The following SLC24A2 variants were observed in gnomAD, a reference collection of about 807,000 sequenced individuals.
The protein encoded by SLC24A2 is solute carrier family 24 member 2.
SLC24A2 carries 36 observed loss-of-function variants against 62.0 expected under a neutral mutation model. The observed-to-expected ratio is 0.58, with a 90% confidence interval of 0.44 to 0.77. The LOEUF (loss-of-function observed/expected upper bound fraction) is 0.77. SLC24A2 is among the 30% of genes least tolerant of loss of function. The pLI, the probability that SLC24A2 is intolerant of heterozygous loss-of-function variation, is 0.00. For missense variants in SLC24A2, 846 were observed against 817.9 expected (o/e 1.03, Z -0.42); for synonymous variants, 358 against 294.0 (o/e 1.22, Z -2.23).
At chr9:19,539,311 G>A (rs1834135953) in intron 8 of SLC24A2, among the ~76,000 whole-genome samples, 1 of 125,858 alleles carries the variant, frequency 7.9e-6, no homozygotes, top group African/African-American at 3.1e-5. Context: ...TGTCAATTTT[G>A]GATCTTTCCT....
intron 7 of SLC24A2, among the ~76,000 whole-genome samples, chr9:19,570,639 T>C (rs1835810714): frequency 6.6e-6 from 1 of 152,228 alleles, no homozygotes; most frequent in Non-Finnish European, 1.5e-5. Flanking sequence ...ATACATAATA[T>C]CAATATTTAG....
the SLC24A2 span, among the ~76,000 whole-genome samples, chr9:20,011,485 C>G: frequency 2.1e-4 from 32 of 152,126 alleles, no homozygotes; most frequent in Non-Finnish European, 4.4e-4. Context: ...TATTCGAACA[C>G]AGGACACTTG....
At chr9:19,959,811 A>C in the SLC24A2 span, among the ~76,000 whole-genome samples, 2 of 152,216 alleles carry the variant, frequency 1.3e-5, no homozygotes, top group Admixed American at 1.3e-4. Flanking sequence ...TAAGAAGTTT[A>C]CACGATCTCA....
chr9:19,784,898 T>C (rs561408873), intron 2 of SLC24A2, among the ~76,000 whole-genome samples: 2 of 152,352 alleles, frequency 1.3e-5, no homozygotes, highest in East Asian at 1.9e-4. Context: ...AAAAGAATTA[T>C]GCAAATTTAA....
chr9:20,134,986 G>A, the SLC24A2 span, among the ~76,000 whole-genome samples: 1 of 152,136 alleles, frequency 6.6e-6, no homozygotes, highest in East Asian at 1.9e-4. Flanking sequence ...CATTATGTGA[G>A]TTTCAAAGAA....
the SLC24A2 span, among the ~76,000 whole-genome samples, chr9:20,021,602 A>C: frequency 6.6e-6 from 1 of 151,980 alleles, no homozygotes; most frequent in African/African-American, 2.4e-5. Flanking sequence ...TGGCAGTACC[A>C]AAGACGTTTT....
the SLC24A2 span, among the ~76,000 whole-genome samples, chr9:20,031,636 C>T: frequency 6.6e-6 from 1 of 152,102 alleles, no homozygotes; most frequent in Admixed American, 6.5e-5. Context: ...TGAGGGTTCA[C>T]TGAGATGAGC....
At chr9:19,767,590 T>C (rs1367200985) in intron 2 of SLC24A2, among the ~76,000 whole-genome samples, 1 of 152,082 alleles carries the variant, frequency 6.6e-6, no homozygotes, top group African/African-American at 2.4e-5. Context: ...CCAGGTAAGG[T>C]GATGCCCCAC....
At chr9:19,634,005 G>GAT (rs1818245586) in intron 2 of SLC24A2, among the ~76,000 whole-genome samples, 1 of 152,130 alleles carries the variant, frequency 6.6e-6, no homozygotes, top group Non-Finnish European at 1.5e-5. Flanking sequence ...GCAAGTCTAA[G>GAT]AATTCCTTGC....
chr9:20,240,422 C>G, the SLC24A2 span, among the ~76,000 whole-genome samples: 1 of 152,078 alleles, frequency 6.6e-6, no homozygotes, highest in East Asian at 1.9e-4. Flanking sequence ...CTCATGAAAG[C>G]TCAAGACTCT....
intron 5 of SLC24A2, among the ~76,000 whole-genome samples, chr9:19,592,493 CCCACCT>C (rs1563986472): frequency 1.4e-3 from 10 of 6,926 alleles, no homozygotes; most frequent in South Asian, 4.5e-3. Flanking sequence ...TACCTACCTA[CCCACCT>C]ACCTACCTAC....
At chr9:19,881,960 T>C in the SLC24A2 span, among the ~76,000 whole-genome samples, 6 of 152,214 alleles carry the variant, frequency 3.9e-5, no homozygotes, top group Non-Finnish European at 7.3e-5. Flanking sequence ...AATGTCATTT[T>C]TAATAACTTT....
chr9:20,209,976 A>C, the SLC24A2 span, among the ~76,000 whole-genome samples: 1 of 152,252 alleles, frequency 6.6e-6, no homozygotes, highest in Admixed American at 6.5e-5. Context: ...AGTGAAAGAA[A>C]GTAGTTAGAA....
the SLC24A2 span, among the ~76,000 whole-genome samples, chr9:20,103,826 G>C: frequency 6.6e-6 from 1 of 151,946 alleles, no homozygotes; most frequent in Non-Finnish European, 1.5e-5. Context: ...TTCCTCACCA[G>C]CAACGGAACA....
chr9:20,122,532 C>G, the SLC24A2 span, among the ~76,000 whole-genome samples: 1 of 151,964 alleles, frequency 6.6e-6, no homozygotes. Context: ...ACTAAAAATA[C>G]AAAAAATTAG....
At chr9:20,252,554 T>A in the SLC24A2 span, among the ~76,000 whole-genome samples, 1 of 152,172 alleles carries the variant, frequency 6.6e-6, no homozygotes, top group African/African-American at 2.4e-5. Context: ...TACACACACA[T>A]CATGATCTCA....
At chr9:19,601,243 T>A (rs931317014) in intron 4 of SLC24A2, among the ~76,000 whole-genome samples, 1 of 151,972 alleles carries the variant, frequency 6.6e-6, no homozygotes, top group Non-Finnish European at 1.5e-5. Flanking sequence ...CACCAATTAG[T>A]GCTCTGTAAA....
chr9:19,972,550 A>C, the SLC24A2 span, among the ~76,000 whole-genome samples: 1 of 152,262 alleles, frequency 6.6e-6, no homozygotes, highest in African/African-American at 2.4e-5. Flanking sequence ...GACGTGTGGC[A>C]GGCTGTGAAC....
intron 7 of SLC24A2, among the ~76,000 whole-genome samples, chr9:19,570,778 T>A (rs1304648020): frequency 6.6e-6 from 1 of 152,208 alleles, no homozygotes; most frequent in Non-Finnish European, 1.5e-5. Flanking sequence ...TCAGGGAAGC[T>A]AGGTAACTTG....
Sources: allele counts gnomAD v4.1 joint callset (sites outside exome capture counted in the v4.1 genomes callset), GRCh38; gene constraint gnomAD v4.1.1; transcripts MANE v1.5; gene names NCBI Gene and HGNC (gene_info 2026-07-23, HGNC 2026-07-21).